GRIA3: variants seen among roughly 807,000 people sequenced by gnomAD.
GRIA3 encodes the protein glutamate receptor 3.
In GRIA3, 3 loss-of-function variants were observed where a neutral mutation model predicts 63.0. The ratio of observed to expected loss-of-function variants is 0.05; its 90% CI spans 0.02 to 0.12. The LOEUF (loss-of-function observed/expected upper bound fraction) is 0.12, where lower values mean the gene tolerates loss of function less well. Among genes scored for constraint, GRIA3 ranks in the 10% least tolerant of loss-of-function variants. The probability of loss-of-function intolerance (pLI) is 1.00; values close to 1 mark genes in which losing one functional copy is unlikely to be tolerated. For missense variants in GRIA3, 347 were observed against 700.9 expected, an observed-to-expected ratio of 0.50 and a Z score of 5.70; for synonymous variants, 274 against 257.9, an observed-to-expected ratio of 1.06 and a Z score of -0.60.
At chrX:123,259,447 TTCC>T (rs1194055794) in intron 3 of GRIA3, among the ~76,000 whole-genome samples, 1 of 108,746 alleles carries the variant, frequency 9.2e-6, no homozygotes, top group Non-Finnish European at 1.9e-5. Flanking sequence ...TTCGCCTCCT[TTCC>T]TCCTTTCTCC....
intron 13 of GRIA3, among the ~76,000 whole-genome samples, chrX:123,472,440 T>C (rs1418190644): frequency 9.0e-6 from 1 of 111,664 alleles, no homozygotes; most frequent in Non-Finnish European, 1.9e-5. Flanking sequence ...TAAAATTTGA[T>C]AGTTTGATCT....
chrX:123,331,769 T>C (rs2044943039), intron 4 of GRIA3, among the ~76,000 whole-genome samples: 1 of 111,989 alleles, frequency 8.9e-6, no homozygotes, highest in Admixed American at 9.5e-5. Context: ...CAAATAGACA[T>C]GATTTCTAAT....
At chrX:123,286,560 C>T (rs2044621030) in intron 3 of GRIA3, among the ~76,000 whole-genome samples, 2 of 111,476 alleles carry the variant, frequency 1.8e-5, no homozygotes, top group Admixed American at 1.9e-4. Context: ...CAAATAGACA[C>T]AATAAAAACC....
At chrX:123,361,243 GTCT>G (rs1030448695) in intron 5 of GRIA3, 3 of 111,581 alleles carry the variant, frequency 2.7e-5, no homozygotes, top group South Asian at 3.8e-4. Context: ...CCCCTTCCAG[GTCT>G]TCTTCTTCTG....
rs1428067734 is a variant in GRIA3 at position 123,193,573 on chromosome X, G to C, written c.268+7583G>C. ...GGAAGGGAAGTAATGTCACTTTCTA[G>C]CAGACCTGAGCCGAGAACTGCTCCA... On this transcript the variant is annotated intron_variant, in intron 2 of 15. Coordinates refer to ENST00000620443, the MANE Select transcript of GRIA3 (RefSeq NM_007325.5). 4.5e-5 allele frequency among the ~76,000 whole-genome samples: 5 copies of C among 112,054 alleles called. No homozygotes were observed. In the Admixed American group the frequency reaches 4.7e-4, roughly 11 times the overall value.
Position 123,483,042 on chromosome X carries a change from T to C in GRIA3, c.2683T>C (p.Ter895GlnextTer9). 1 of 1,199,021 alleles carries C rather than the reference T, an allele frequency of 8.3e-7. No homozygotes were observed. Among genetic ancestry groups the C allele is most frequent in the South Asian group, 1.8e-5 (1 of 56,665 alleles). ...NVYGTESVKI[*>Q] ...GTATGGAACAGAGAGTGTTAAGATC[T>C]AGGGGTACGGTTAAGGTCTAGTAAA... Residue 895 changes from the stop codon to glutamine (Q), a stop_lost, in exon 15 of 16, where the codon TAG (stop) becomes CAG (glutamine). Coordinates refer to ENST00000620443, the MANE Select transcript of GRIA3 (RefSeq NM_007325.5).
intron 10 of GRIA3, among the ~76,000 whole-genome samples, chrX:123,413,202 C>T (rs1325556953): frequency 9.0e-6 from 1 of 110,866 alleles, no homozygotes; most frequent in African/African-American, 3.3e-5. Context: ...TCAAGATTCT[C>T]AAACTCCTTT....
chrX:123,338,164 C>T, intron 4 of GRIA3, among the ~76,000 whole-genome samples: 1 of 112,105 alleles, frequency 8.9e-6, no homozygotes, highest in Non-Finnish European at 1.9e-5. Context: ...CAGGCCCAGC[C>T]CTGCATTTTC....
At chrX:123,251,585 G>A (rs1235154916) in intron 2 of GRIA3, among the ~76,000 whole-genome samples, 8 of 110,419 alleles carry the variant, frequency 7.2e-5, no homozygotes, top group African/African-American at 1.7e-4. Flanking sequence ...ACAGGTGCCC[G>A]CCACCATGCC....
intron 2 of GRIA3, among the ~76,000 whole-genome samples, chrX:123,241,009 T>C (rs1243711409): frequency 1.8e-5 from 2 of 111,845 alleles, no homozygotes; most frequent in Non-Finnish European, 3.8e-5. Context: ...GTTAAAGATA[T>C]AATATATTTG....
intron 3 of GRIA3, among the ~76,000 whole-genome samples, chrX:123,309,700 G>C (rs1191291001): frequency 8.9e-6 from 1 of 111,750 alleles, no homozygotes; most frequent in East Asian, 2.8e-4. Context: ...GCAAATTTAA[G>C]ATGCCTTTAA....
chrX:123,272,141 T>A (rs1885747903), intron 3 of GRIA3, among the ~76,000 whole-genome samples: 1 of 111,299 alleles, frequency 9.0e-6, no homozygotes, highest in Admixed American at 9.5e-5. Context: ...TGGGCGTCAG[T>A]CACATCTGGT....
rs181847839 is a variant in GRIA3, at chrX:123,197,966, C to T, written c.268+11976C>T. ...GCCAGGGCCATCAGTGAGCTTTCTT[C>T]GTGGGCCCTGGAGTCAAGAGCCCGA... On this transcript the variant is annotated intron_variant, in intron 2 of 15. Coordinates refer to ENST00000620443, the MANE Select transcript of GRIA3 (RefSeq NM_007325.5). Among the ~76,000 whole-genome samples, 332 of 112,313 alleles carry T rather than the reference C, an allele frequency of 3.0e-3. 1 individual carries two copies. The highest frequency in any genetic ancestry group is 5.3e-3 in the Non-Finnish European group (281 of 53,292).
intron 15 of GRIA3, 28 bp downstream of exon 15, chrX:123,483,074 A>G (rs750248967): frequency 8.8e-7 from 1 of 1,138,633 alleles, no homozygotes; most frequent in Non-Finnish European, 1.2e-6. Context: ...TAAACTAATC[A>G]GCTTTACTTT....
chrX:123,469,023 T>A (rs1398784284), intron 13 of GRIA3, among the ~76,000 whole-genome samples: 1 of 112,775 alleles, frequency 8.9e-6, no homozygotes, highest in Admixed American at 9.4e-5. Context: ...CATTCGCAAC[T>A]ACCTTGGTTA....
intron 7 of GRIA3, among the ~76,000 whole-genome samples, chrX:123,401,698 T>C (rs1410682689): frequency 8.9e-6 from 1 of 111,864 alleles, no homozygotes; most frequent in African/African-American, 3.2e-5. Context: ...CCCTTTCCCT[T>C]TAAAAAATGT....
intron 3 of GRIA3, among the ~76,000 whole-genome samples, chrX:123,296,089 G>C (rs1310084181): frequency 2.7e-5 from 3 of 111,234 alleles, no homozygotes; most frequent in African/African-American, 9.8e-5. Flanking sequence ...AACCTTGACT[G>C]TTTATACCAC....
chrX:123,403,513 C>T lies in GRIA3; in HGVS notation c.1287C>T (p.Thr429=). Residue 429 remains threonine, a synonymous_variant, in exon 9 of 16, where the codon ACC becomes ACT. Transcript: ENST00000620443. ...AGAATCGGACCATAGTAGTGACTAC[C>T]ATTCTGGTAAGTGTGAACAGAAGGT... ...SSENRTIVVT[T]ILESPYVMYK... 9.2e-7 allele frequency: 1 copy of T among 1,085,857 alleles called. No homozygotes were observed. The highest frequency in any genetic ancestry group is 2.2e-5 in the Admixed American group (1 of 45,812). The allele number at this position is 1,085,857 out of a possible 1,213,427, so 89.5% of individuals were successfully genotyped here. A position where few individuals can be genotyped will look rare whatever the true frequency, so the allele number is the denominator to read the frequency against.
In GRIA3 at chrX:123,441,369, T is replaced by C. The variant is rs186194802; in HGVS notation, c.2076+13230T>C. On this transcript the variant is annotated intron_variant, in intron 12 of 15. Transcript: ENST00000620443. ...CAATTAGTTTCTGAGAAAGAAATTA[T>C]TGCTTTGGAACAACTGTATCATAGT... Among the ~76,000 whole-genome samples the C allele has an allele frequency of 4.5e-3, 505 of 111,728 alleles. 12 individuals carry two copies. The highest frequency in any genetic ancestry group is 0.043 in the Admixed American group (450 of 10,526).
Sources: gnomAD v4.1 joint callset for allele counts (sites outside exome capture counted in the v4.1 genomes callset) on GRCh38, gnomAD v4.1.1 for gene constraint, MANE v1.5 for transcripts, NCBI Gene and HGNC (gene_info 2026-07-23, HGNC 2026-07-21) for gene names.